RIN3: variants seen among roughly 807,000 people sequenced by gnomAD.
The protein encoded by RIN3 is RAB5 interacting protein 3.
Under a neutral mutation model 76.3 loss-of-function variants are expected in RIN3, and 54 were observed. The observed-to-expected ratio is 0.71, with a 90% CI of 0.57 to 0.89. The LOEUF is 0.89. RIN3 is among the 40% of genes least tolerant of loss of function. The probability of loss-of-function intolerance (pLI) is 0.00; values close to 1 mark genes in which losing one functional copy is unlikely to be tolerated. For synonymous variants in RIN3, 576 were observed against 564.0 expected, an observed-to-expected ratio of 1.02 and a Z score of -0.30; for missense variants, 1,256 against 1,322.1, an observed-to-expected ratio of 0.95 and a Z score of 0.78.
At chr14:92,597,958 A>T (rs926490777) in intron 3 of RIN3, among the ~76,000 whole-genome samples, 3 of 152,226 alleles carry the variant, frequency 2.0e-5, no homozygotes, top group Non-Finnish European at 4.4e-5. Context: ...GGATATAAAC[A>T]GTACAGTGTG....
rs1473112979 is a variant in RIN3 at position 92,648,001 on chromosome 14, C to G, written c.533-3581C>G. On this transcript the variant is annotated intron_variant, in intron 5 of 9. Coordinates refer to ENST00000216487, the MANE Select transcript of RIN3 (RefSeq NM_024832.5). This position sits in a 1 kb window ranked among gnomAD's most constrained non-coding sequence, Gnocchi z 4.1. The stretch of plus-strand genomic sequence containing the variant: ...TGGGGACTGGACCCCACAGCTTTGC[C>G]AACCAAACCACTAGGATTGCATGAC... Among the ~76,000 whole-genome samples the G allele has an allele frequency of 6.6e-6, 1 of 152,036 alleles. No homozygotes were observed. The highest frequency in any genetic ancestry group is 1.5e-5 in the Non-Finnish European group (1 of 68,020).
At chr14:92,524,541 G>A (rs57246494) in intron 1 of RIN3, among the ~76,000 whole-genome samples, 10,079 of 152,270 alleles carry the variant, frequency 0.066, 1,121 homozygotes, top group African/African-American at 0.23. Context: ...CACTCCTGGG[G>A]CATAAGAGGC....
At chr14:92,576,254 T>A in intron 2 of RIN3, 1 of 1,287,176 alleles carries the variant, frequency 7.8e-7, no homozygotes, top group Non-Finnish European at 1.0e-6. Flanking sequence ...CAGCAGAGTT[T>A]GTGAAAGGCA....
At chr14:92,526,793 C>G (rs912842746) in intron 1 of RIN3, among the ~76,000 whole-genome samples, 1 of 152,136 alleles carries the variant, frequency 6.6e-6, no homozygotes, top group Non-Finnish European at 1.5e-5. Flanking sequence ...TGTCCTGGGA[C>G]TACCATAACA....
intron 3 of RIN3, among the ~76,000 whole-genome samples, chr14:92,579,699 A>T (rs768004649): frequency 6.6e-5 from 10 of 152,186 alleles, no homozygotes; most frequent in Non-Finnish European, 1.5e-4. Context: ...CTCAAGAAAC[A>T]TGTGTGCCTG....
chr14:92,651,757 T>A lies in RIN3; in HGVS notation c.708T>A (p.Asn236Lys). 6.2e-7 allele frequency: 1 copy of A among 1,613,946 alleles called. No homozygotes were observed. The highest frequency in any genetic ancestry group is 8.5e-7 in the Non-Finnish European group (1 of 1,179,962). The part of the protein sequence containing the change: ...SVGNDRLWFV[N>K]PIFIEDCSSA... ...GAAATGACCGCCTGTGGTTTGTGAA[T>A]CCTATTTTCATCGAGGACTGCAGCA... Residue 236 changes from asparagine (N) to lysine (K), a missense_variant, in exon 6 of 10, where the codon AAT becomes AAA. Physicochemically the swap from Asn to Lys is moderately conservative, Grantham distance 94. Around this residue, in one of 3 missense-constraint regions of RIN3, gnomAD observed 610 missense variants for 626.4 expected, o/e 0.97. Coordinates refer to ENST00000216487, the MANE Select transcript of RIN3 (RefSeq NM_024832.5).
chr14:92,558,521 AAG>A (rs1405550258), intron 2 of RIN3, among the ~76,000 whole-genome samples: 2 of 152,230 alleles, frequency 1.3e-5, no homozygotes, highest in Non-Finnish European at 2.9e-5. Flanking sequence ...AACCGAGGCT[AAG>A]AGGAGTGCTT....
At chr14:92,684,174 A>G (rs1888762241) in intron 8 of RIN3, among the ~76,000 whole-genome samples, 1 of 152,140 alleles carries the variant, frequency 6.6e-6, no homozygotes, top group Non-Finnish European at 1.5e-5. Flanking sequence ...GAGGTCAGGC[A>G]TTCAAGACCA....
intron 1 of RIN3, among the ~76,000 whole-genome samples, chr14:92,545,114 T>G (rs1371757912): frequency 1.4e-5 from 2 of 141,974 alleles, no homozygotes; most frequent in Non-Finnish European, 3.1e-5. Flanking sequence ...GTGTTTTTTT[T>G]TTTTTTTTTT....
chr14:92,550,709 C>T (rs911912337), intron 1 of RIN3, among the ~76,000 whole-genome samples: 1 of 152,216 alleles, frequency 6.6e-6, no homozygotes, highest in African/African-American at 2.4e-5. Flanking sequence ...AGGCGTGAGC[C>T]ACAGCGCCCA....
Position 92,543,023 on chromosome 14 carries a change from T to A in RIN3, c.45-12728T>A, listed in dbSNP as rs1194902385. 2.6e-5 allele frequency among the ~76,000 whole-genome samples: 4 copies of A among 152,302 alleles called. No individual in the cohort carries two copies. The South Asian group carries it at 6.2e-4, about 24-fold the overall frequency. On this transcript the variant is annotated intron_variant, in intron 1 of 9. Transcript: ENST00000216487. Reference sequence around the variant, plus strand: ...GTACTAAAATTGATTGTGGTGGTGGTTGCACAGCTCTGTGACCATGTTAAA... The same window carrying A: ...GTACTAAAATTGATTGTGGTGGTGGATGCACAGCTCTGTGACCATGTTAAA...
chr14:92,588,722 GCAA>G (rs1884871472), intron 3 of RIN3, among the ~76,000 whole-genome samples: 1 of 152,096 alleles, frequency 6.6e-6, no homozygotes, highest in South Asian at 2.1e-4. Flanking sequence ...CAACATCTGG[GCAA>G]TCACCTTTCT....
intron 3 of RIN3, chr14:92,586,506 T>A (rs1566855607): frequency 1.3e-5 from 2 of 152,248 alleles, no homozygotes; most frequent in African/African-American, 2.4e-5. Context: ...CATCATGAGA[T>A]AATTTAACTC....
At chr14:92,604,125 G>T (rs1385065698) in intron 3 of RIN3, among the ~76,000 whole-genome samples, 1 of 152,212 alleles carries the variant, frequency 6.6e-6, no homozygotes, top group Non-Finnish European at 1.5e-5. Context: ...GGGCCTGTAG[G>T]ATGGCCCACA....
chr14:92,535,285 C>G (rs1411969176), intron 1 of RIN3, among the ~76,000 whole-genome samples: 1 of 151,720 alleles, frequency 6.6e-6, no homozygotes, highest in African/African-American at 2.4e-5. Flanking sequence ...AAAATATCTT[C>G]TCCCACTCAG....
chr14:92,651,522 G>A, intron 5 of RIN3, 60 bp from the exon 6 acceptor site: 2 of 481,358 alleles, frequency 4.2e-6, no homozygotes, highest in Non-Finnish European at 7.3e-6. Flanking sequence ...ACCCCGCCCA[G>A]CACAGCAACA....
chr14:92,588,691 T>C (rs1884870042), intron 3 of RIN3, among the ~76,000 whole-genome samples: 1 of 152,116 alleles, frequency 6.6e-6, no homozygotes, highest in Non-Finnish European at 1.5e-5. Flanking sequence ...AGTATTCAGA[T>C]CATAGCAGCA....
At chr14:92,661,758 C>CACACACACACAAAA (rs373869994) in intron 7 of RIN3, among the ~76,000 whole-genome samples, 11 of 133,236 alleles carry the variant, frequency 8.3e-5, no homozygotes, top group Admixed American at 1.5e-4. Flanking sequence ...CACACACACA[C>CACACACACACAAAA]AAAAAATAGA....
At chr14:92,687,759 G>T (rs1888917453) in intron 9 of RIN3, 167 bp from the exon 10 acceptor site, 7 of 592,524 alleles carry the variant, frequency 1.2e-5, no homozygotes, top group Non-Finnish European at 1.7e-5. Context: ...GGAGGGGGAC[G>T]GGCCCCCCGC....
Sources: gnomAD v4.1 joint callset for allele counts (sites outside exome capture counted in the v4.1 genomes callset) on GRCh38, gnomAD v4.1.1 for gene constraint, gnomAD v4.1.1 regional missense constraint, Gnocchi (gnomAD v3.1) non-coding constraint, MANE v1.5 for transcripts, NCBI Gene and HGNC (gene_info 2026-07-23, HGNC 2026-07-21) for gene names.